The following ANKRD31 variants were observed in gnomAD, a reference collection of about 807,000 sequenced individuals.
The protein encoded by ANKRD31 is ankyrin repeat domain 31.
Under a neutral mutation model 186.0 loss-of-function variants are expected in ANKRD31, and 147 were observed. The observed-to-expected ratio is 0.79, with a 90% CI of 0.69 to 0.91. The LOEUF (loss-of-function observed/expected upper bound fraction) is 0.91, where lower values mean the gene tolerates loss of function less well. ANKRD31 is among the 40% of genes least tolerant of loss of function. The pLI is 0.00. For missense variants in ANKRD31, 1,986 were observed against 2,148.8 expected (o/e 0.92, Z 1.50); for synonymous variants, 673 against 736.4 (o/e 0.91, Z 1.39).
intron 10 of ANKRD31, among the ~76,000 whole-genome samples, chr5:75,170,942 C>G (rs994117846): frequency 5.3e-5 from 8 of 151,994 alleles, no homozygotes; most frequent in Admixed American, 4.6e-4. Flanking sequence ...ACAATCATAA[C>G]GTTATGTATC....
chr5:75,097,273 C>T (rs1210591464), intron 22 of ANKRD31, among the ~76,000 whole-genome samples: 1 of 152,208 alleles, frequency 6.6e-6, no homozygotes, highest in Non-Finnish European at 1.5e-5. Flanking sequence ...TACAGTGCCA[C>T]CAACAGTGTA....
chr5:75,178,691 A>AAC (rs201842920), intron 10 of ANKRD31, among the ~76,000 whole-genome samples: 6 of 151,136 alleles, frequency 4.0e-5, no homozygotes, highest in South Asian at 2.1e-4. Context: ...ACCAACGAGA[A>AAC]CAAAGACACA....
chr5:75,224,141 A>ATATATATATATATATATG (rs1757482847), intron 2 of ANKRD31, among the ~76,000 whole-genome samples: 1 of 63,366 alleles, frequency 1.6e-5, no homozygotes, highest in Non-Finnish European at 2.7e-5. Flanking sequence ...ATATATATAT[A>ATATATATATATATATATG]TATATATATA....
chr5:75,151,119 T>G (rs1354224024), intron 12 of ANKRD31, among the ~76,000 whole-genome samples: 1 of 152,052 alleles, frequency 6.6e-6, no homozygotes, highest in Non-Finnish European at 1.5e-5. Context: ...CTGCATTTCT[T>G]GATCAAGTAT....
intron 11 of ANKRD31, among the ~76,000 whole-genome samples, chr5:75,167,186 T>TA (rs1337068613): frequency 6.6e-6 from 1 of 152,130 alleles, no homozygotes; most frequent in Non-Finnish European, 1.5e-5. Context: ...TTTTTTTTTT[T>TA]ACTGCTTTTT....
At chr5:75,213,841 T>A (rs1035010886) in intron 3 of ANKRD31, among the ~76,000 whole-genome samples, 1 of 152,236 alleles carries the variant, frequency 6.6e-6, no homozygotes, top group Admixed American at 6.5e-5. Context: ...ACATTCTCTT[T>A]CACTGATTCA....
At chr5:75,133,819 C>T (rs10127608) in intron 17 of ANKRD31, among the ~76,000 whole-genome samples, 1 of 152,296 alleles carries the variant, frequency 6.6e-6, no homozygotes, top group East Asian at 1.9e-4. Flanking sequence ...AACTGTCTCT[C>T]AGACCACAGT....
chr5:75,171,112 A>G (rs1048472765), intron 10 of ANKRD31, among the ~76,000 whole-genome samples: 17 of 152,092 alleles, frequency 1.1e-4, no homozygotes, highest in South Asian at 2.1e-4. Context: ...GCTGAACAAC[A>G]TTATCAACAC....
intron 4 of ANKRD31, among the ~76,000 whole-genome samples, chr5:75,210,196 CAG>C (rs1182653315): frequency 2.0e-5 from 3 of 152,104 alleles, no homozygotes; most frequent in Non-Finnish European, 1.5e-5. Context: ...GCTTTCGAGA[CAG>C]AGTCTTACTC....
chr5:75,105,656 T>C (rs1747276567), intron 21 of ANKRD31, among the ~76,000 whole-genome samples: 1 of 152,148 alleles, frequency 6.6e-6, no homozygotes, highest in Non-Finnish European at 1.5e-5. Flanking sequence ...TATTAGTAAG[T>C]ACAATTTGAA....
At chr5:75,082,724 T>A (rs1322060776) in intron 24 of ANKRD31, among the ~76,000 whole-genome samples, 3 of 152,204 alleles carry the variant, frequency 2.0e-5, no homozygotes. Context: ...TCCTTTTATA[T>A]GATACTTAAA....
At chr5:75,076,238 C>T (rs1744634938) in intron 25 of ANKRD31, among the ~76,000 whole-genome samples, 1 of 152,168 alleles carries the variant, frequency 6.6e-6, no homozygotes, top group Non-Finnish European at 1.5e-5. Context: ...CAGTCTCACA[C>T]AACTGCCCTC....
intron 8 of ANKRD31, 75 bp from the exon 9 acceptor site, chr5:75,192,851 G>T: frequency 1.8e-6 from 2 of 1,119,350 alleles, no homozygotes; most frequent in South Asian, 1.4e-5. Flanking sequence ...ACCAATTTTT[G>T]AATACAATAT....
intron 19 of ANKRD31, among the ~76,000 whole-genome samples, chr5:75,114,245 T>A (rs1345174062): frequency 6.6e-6 from 1 of 152,220 alleles, no homozygotes; most frequent in Admixed American, 6.5e-5. Flanking sequence ...CTTCTCTGTC[T>A]GGATTCCAGA....
Position 75,195,703 on chromosome 5 carries a change from AAT to A in ANKRD31, c.943_944del (p.Ile315CysfsTer4). 6.5e-7 allele frequency: 1 copy of A among 1,537,480 alleles called. No individual in the cohort carries two copies. The highest frequency in any genetic ancestry group is 8.7e-7 in the Non-Finnish European group (1 of 1,146,866). ...CCACTTCTAAACATTCATTTCTGGC[AAT>A]GAGACTGCTACCTCCCTCTTTTCTG... is the stretch of plus-strand genomic sequence containing the variant. ...CHRKEGGSSLIARNECLEVEF... is the reference protein window; with the variant it reads ...CHRKEGGSSLXARNECLEVEF... On this transcript the variant is annotated frameshift_variant, in exon 7 of 26. Coordinates refer to ENST00000506364, the MANE Select transcript of ANKRD31 (RefSeq NM_001372053.1). LOFTEE classifies it high-confidence loss of function.
intron 11 of ANKRD31, among the ~76,000 whole-genome samples, chr5:75,164,620 G>A (rs1222432957): frequency 6.6e-6 from 1 of 152,118 alleles, no homozygotes; most frequent in Non-Finnish European, 1.5e-5. Flanking sequence ...TCACTCCCTT[G>A]GGATCACCAA....
rs549808534 is a variant in ANKRD31 at position 75,193,601 on chromosome 5, C to T, written c.1018-10G>A. On this transcript the variant is annotated splice_polypyrimidine_tract_variant and intron_variant, in intron 7 of 25. Transcript: ENST00000506364. ...TTGGGTCTTGCAGAGTCTGCAAATA[C>T]GTAAATACATCCACAAAAAATTACA... 4.5e-5 allele frequency: 68 copies of T among 1,512,122 alleles called. No individual in the cohort carries two copies. In the South Asian group the frequency reaches 5.5e-4, roughly 12 times the overall value. 93.7% of individuals were successfully genotyped at this position (1,512,122 alleles called of 1,614,324 possible). A position where few individuals can be genotyped will look rare whatever the true frequency, so the allele number is the denominator to read the frequency against.
At chr5:75,225,086 T>C (rs1757552983) in intron 2 of ANKRD31, among the ~76,000 whole-genome samples, 1 of 152,190 alleles carries the variant, frequency 6.6e-6, no homozygotes, top group South Asian at 2.1e-4. Context: ...ACTGAATTAT[T>C]TGCTGCGTTG....
intron 3 of ANKRD31, among the ~76,000 whole-genome samples, chr5:75,212,659 A>G (rs944935505): frequency 1.3e-5 from 2 of 152,160 alleles, no homozygotes; most frequent in Non-Finnish European, 2.9e-5. Context: ...CTTAATACAT[A>G]TCAGAAAATC....
Sources: gnomAD v4.1 joint callset for allele counts (sites outside exome capture counted in the v4.1 genomes callset) on GRCh38, gnomAD v4.1.1 for gene constraint, MANE v1.5 for transcripts, NCBI Gene and HGNC (gene_info 2026-07-23, HGNC 2026-07-21) for gene names.